GRIN1: variants seen among roughly 807,000 people sequenced by gnomAD.
The protein encoded by GRIN1 is glutamate ionotropic receptor NMDA type subunit 1.
GRIN1 carries 38 observed loss-of-function variants against 103.0 expected under a neutral mutation model. That is an observed-to-expected ratio of 0.37 (90% CI 0.28 to 0.48). GRIN1 has a LOEUF of 0.48. GRIN1 is among the 20% of genes least tolerant of loss of function. The pLI is 0.98. For synonymous variants in GRIN1, 544 were observed against 532.7 expected (o/e 1.02, Z -0.29); for missense variants, 577 against 1,288.9 (o/e 0.45, Z 8.46).
At chr9:137,162,343 CA>C (rs1196514087) in intron 12 of GRIN1, 53 bp downstream of exon 12, 1 of 1,548,238 alleles carries the variant, frequency 6.5e-7, no homozygotes, top group Non-Finnish European at 8.7e-7. Flanking sequence ...CGGAGCCGGC[CA>C]GGGGCGGGGC....
rs973194824 is a variant in GRIN1 at position 137,146,734 on chromosome 9, T to C, written c.570+832T>C. Among the ~76,000 whole-genome samples, 4 of 152,066 alleles carry C rather than the reference T, an allele frequency of 2.6e-5. No homozygotes were observed. In the East Asian group the frequency reaches 7.7e-4, roughly 29 times the overall value. On this transcript the variant is annotated intron_variant, in intron 3 of 19. Transcript: ENST00000371561. The surrounding 1 kb of genome is among the most constrained non-coding windows in gnomAD (Gnocchi z 6.7). ...CCTGGGCCAGCTCCTGATCAAGCAGTGGGAGGAGGCCCAGGCTGAGGAGGG... is the reference window on the plus strand; with the variant it reads ...CCTGGGCCAGCTCCTGATCAAGCAGCGGGAGGAGGCCCAGGCTGAGGAGGG...
chr9:137,167,540 G>A lies in GRIN1; in HGVS notation c.*13G>A, dbSNP rs1373813651. The A allele has an allele frequency of 1.3e-6, 1 of 774,454 alleles. No individual in the cohort carries two copies. The highest frequency in any genetic ancestry group is 2.0e-6 in the Non-Finnish European group (1 of 505,276). The allele number at this position is 774,454 out of a possible 1,614,324, so 48.0% of individuals were successfully genotyped here. On this transcript the variant is annotated 3_prime_UTR_variant, in exon 20 of 20. Coordinates refer to ENST00000371561, the MANE Select transcript of GRIN1 (RefSeq NM_007327.4). Reference sequence around the variant, plus strand: ...TAGGGAGAGCTGAGACTCCCCGCCCGCCCTCCTCTGCCCCCTCCCCCGCAG... The same window carrying A: ...TAGGGAGAGCTGAGACTCCCCGCCCACCCTCCTCTGCCCCCTCCCCCGCAG...
intron 4 of GRIN1, among the ~76,000 whole-genome samples, chr9:137,154,286 G>C (rs1833090109): frequency 6.7e-6 from 1 of 150,346 alleles, no homozygotes; most frequent in South Asian, 2.1e-4. Flanking sequence ...CACCATGCCT[G>C]GCTAAGTTTT....
chr9:137,160,826 G>C (rs1386735981), intron 8 of GRIN1, among the ~76,000 whole-genome samples: 1 of 151,916 alleles, frequency 6.6e-6, no homozygotes, highest in Non-Finnish European at 1.5e-5. Flanking sequence ...CCACCCCCCC[G>C]GGGCTGCAGG....
At chr9:137,148,296 C>A in intron 3 of GRIN1, 1 of 906,550 alleles carries the variant, frequency 1.1e-6, no homozygotes, top group Non-Finnish European at 1.7e-6. Context: ...CACTGTCTGG[C>A]CCAGCCGCCG....
chr9:137,165,625 G>A (rs550490023), intron 19 of GRIN1, among the ~76,000 whole-genome samples: 1 of 152,314 alleles, frequency 6.6e-6, no homozygotes, highest in Admixed American at 6.5e-5. Flanking sequence ...GGCCAGGTCT[G>A]GGGCCCTGGG....
intron 19 of GRIN1, among the ~76,000 whole-genome samples, chr9:137,165,891 C>T (rs1293939513): frequency 2.6e-5 from 4 of 152,172 alleles, no homozygotes; most frequent in African/African-American, 4.8e-5. Context: ...CTGTGTGGGC[C>T]GGGGGCTGGG....
Position 137,163,540 on chromosome 9 carries a change from C to T in GRIN1, c.2334-19C>T. On this transcript the variant is annotated intron_variant, in intron 16 of 19. Coordinates refer to ENST00000371561, the MANE Select transcript of GRIN1 (RefSeq NM_007327.4). Reference sequence around the variant, plus strand: ...CCTGGGCCCCGCCTCACTGCAGGCTCACTTGTTCCCACCGCCAGGTCCCAC... The same window carrying T: ...CCTGGGCCCCGCCTCACTGCAGGCTTACTTGTTCCCACCGCCAGGTCCCAC... The T allele has an allele frequency of 6.4e-7, 1 of 1,556,972 alleles. No individual in the cohort carries two copies. Among genetic ancestry groups the T allele is most frequent in the Non-Finnish European group, 8.9e-7 (1 of 1,128,636 alleles).
In GRIN1 at chr9:137,168,290, G is replaced by A; in HGVS notation, c.*763G>A. On this transcript the variant is annotated 3_prime_UTR_variant, in exon 20 of 20. Coordinates refer to ENST00000371561, the MANE Select transcript of GRIN1 (RefSeq NM_007327.4). ...CTGAGCTCCACCCTCCCCTCTTCTT[G>A]CGGCACCGCCCACCCACACCCCGTC... 4.5e-6 allele frequency: 1 copy of A among 220,254 alleles called. No homozygotes were observed. Among genetic ancestry groups the A allele is most frequent in the Non-Finnish European group, 8.9e-6 (1 of 111,872 alleles). 13.6% of individuals were successfully genotyped at this position (220,254 alleles called of 1,614,324 possible).
intron 17 of GRIN1, 42 bp downstream of exon 17, chr9:137,163,710 G>A: frequency 1.2e-6 from 2 of 1,613,368 alleles, no homozygotes; most frequent in Admixed American, 1.7e-5. Context: ...TTCTCCGTGG[G>A]CTGCGGCCTC....
At chr9:137,164,885 C>T (rs985651368) in intron 18 of GRIN1, 3 of 427,440 alleles carry the variant, frequency 7.0e-6, no homozygotes, top group African/African-American at 2.0e-5. Flanking sequence ...TCCTCCTCCT[C>T]GGGACGCCTG....
At chr9:137,142,337 T>G (rs1347690714) in intron 2 of GRIN1, among the ~76,000 whole-genome samples, 190 bp downstream of exon 2, 1 of 152,212 alleles carries the variant, frequency 6.6e-6, no homozygotes, top group Non-Finnish European at 1.5e-5. Context: ...CATGCTCACA[T>G]GCACACTCAT....
chr9:137,163,026 G>C, intron 15 of GRIN1, 23 bp downstream of exon 15: 1 of 1,571,424 alleles, frequency 6.4e-7, no homozygotes, highest in East Asian at 2.3e-5. Context: ...CGGCCACCCT[G>C]GCGGGGCGGG....
In GRIN1 at chr9:137,163,219, C is replaced by T; in HGVS notation, c.2222C>T (p.Ser741Leu). Residue 741 changes from serine to leucine, a missense_variant, in exon 16 of 20, where the codon TCG (serine) becomes TTG (leucine). This residue lies in a region of GRIN1 where 59 missense variants were observed against 161.3 expected (regional missense o/e 0.37). Transcript: ENST00000371561. ...WDSAVLEFEASQKCDLVTTGE... is the reference protein window; with the variant it reads ...WDSAVLEFEALQKCDLVTTGE... ...TCGGCGGTGCTGGAGTTCGAGGCCT[C>T]GCAGAAGTGCGACCTGGTGACGACT... The T allele has an allele frequency of 6.2e-7, 1 of 1,613,650 alleles. No individual in the cohort carries two copies. The highest frequency in any genetic ancestry group is 8.5e-7 in the Non-Finnish European group (1 of 1,179,946).
chr9:137,151,322 G>A (rs1213573423), intron 4 of GRIN1, among the ~76,000 whole-genome samples: 2 of 133,468 alleles, frequency 1.5e-5, no homozygotes, highest in Non-Finnish European at 3.2e-5. Context: ...TAAAAGCTCC[G>A]CCCAGGGAAA....
rs201797592 is a variant in GRIN1 at position 137,156,930 on chromosome 9, G to T, written c.861G>T (p.Val287=). ...CCCACATCAGCGACGCCGTGGGCGTGGTGGCCCAGGCCGTGCACGAGCTCC... is the reference window on the plus strand; with the variant it reads ...CCCACATCAGCGACGCCGTGGGCGTTGTGGCCCAGGCCGTGCACGAGCTCC... The part of the protein sequence containing the change: ...ESAHISDAVG[V]VAQAVHELLE... The change falls in exon 6 of 20, where the codon GTG becomes GTT. Residue 287 remains valine, a synonymous_variant. Transcript: ENST00000371561. The T allele has an allele frequency of 1.3e-5, 21 of 1,612,184 alleles. No individual in the cohort carries two copies. Among genetic ancestry groups the T allele is most frequent in the Non-Finnish European group, 1.7e-5 (20 of 1,179,800 alleles).
chr9:137,167,263 T>G, intron 19 of GRIN1, 148 bp from the exon 20 acceptor site: 4 of 656,338 alleles, frequency 6.1e-6, no homozygotes, highest in Non-Finnish European at 8.3e-6. Context: ...GGGGGCTCCT[T>G]TGGGTAGGGT....
At position 137,146,151 on chromosome 9, in the gene GRIN1, T is replaced by C. The variant is rs1379936019; in HGVS notation, c.570+249T>C. Among the ~76,000 whole-genome samples, 1 of 152,024 alleles carries C rather than the reference T, an allele frequency of 6.6e-6. No individual in the cohort carries two copies. The highest frequency in any genetic ancestry group is 1.5e-5 in the Non-Finnish European group (1 of 67,966). On this transcript the variant is annotated intron_variant, in intron 3 of 19. Transcript: ENST00000371561. This position sits in a 1 kb window ranked among gnomAD's most constrained non-coding sequence, Gnocchi z 6.7. Reference sequence around the variant, plus strand: ...CCACCTGGAGCTCCGCAAACACCCCTGCCCCGCGCTGCCGAGCGCCCTCGT... The same window carrying C: ...CCACCTGGAGCTCCGCAAACACCCCCGCCCCGCGCTGCCGAGCGCCCTCGT...
intron 4 of GRIN1, among the ~76,000 whole-genome samples, chr9:137,155,227 C>A (rs1250195129): frequency 6.6e-6 from 1 of 152,198 alleles, no homozygotes; most frequent in African/African-American, 2.4e-5. Flanking sequence ...GTCAAGAAGA[C>A]GGGCTTGTCT....
Sources: allele counts gnomAD v4.1 joint callset (sites outside exome capture counted in the v4.1 genomes callset), GRCh38; gene constraint gnomAD v4.1.1; regional missense constraint gnomAD v4.1.1; non-coding constraint Gnocchi (gnomAD v3.1); transcripts MANE v1.5; gene names NCBI Gene and HGNC (gene_info 2026-07-23, HGNC 2026-07-21).